Variants in PRKG2 observed in about 807,000 individuals in gnomAD.
PRKG2 encodes cGMP-dependent protein kinase 2.
Under a neutral mutation model 97.2 loss-of-function variants are expected in PRKG2, and 33 were observed. The observed-to-expected ratio is 0.34, with a 90% CI of 0.26 to 0.45. The LOEUF (loss-of-function observed/expected upper bound fraction) is 0.45. PRKG2 is among the 20% of genes least tolerant of loss of function. PRKG2 has a pLI of 1.00. For missense variants in PRKG2, 638 were observed against 900.0 expected (o/e 0.71, Z 3.73); for synonymous variants, 330 against 321.8 (o/e 1.03, Z -0.27).
intron 1 of PRKG2, among the ~76,000 whole-genome samples, chr4:81,208,812 T>C (rs1753815772): frequency 6.6e-6 from 1 of 152,072 alleles, no homozygotes; most frequent in Non-Finnish European, 1.5e-5. Flanking sequence ...ACAAACAGCC[T>C]GGAAAACAAG....
At chr4:81,131,273 G>A (rs1055969585) in intron 14 of PRKG2, among the ~76,000 whole-genome samples, 3 of 151,880 alleles carry the variant, frequency 2.0e-5, no homozygotes, top group Admixed American at 1.3e-4. Flanking sequence ...CCCAGGTGAG[G>A]TGACATTCCA....
rs189653350 is a variant in PRKG2, at chr4:81,097,469, G to A, written c.2127-5017C>T. ...TTAAGGGCCTTAGGATTTTTAGAATGGCAAATGAGCATTGACTTCAAGTCA... is the reference window on the plus strand; with the variant it reads ...TTAAGGGCCTTAGGATTTTTAGAATAGCAAATGAGCATTGACTTCAAGTCA... On this transcript the variant is annotated intron_variant, in intron 17 of 18. Coordinates refer to ENST00000264399, the MANE Select transcript of PRKG2 (RefSeq NM_006259.3). Among the ~76,000 whole-genome samples the A allele has an allele frequency of 1.1e-3, 161 of 152,256 alleles. 1 individual carries two copies. The highest frequency in any genetic ancestry group is 3.6e-3 in the African/African-American group (151 of 41,556).
intron 4 of PRKG2, among the ~76,000 whole-genome samples, chr4:81,169,993 T>A (rs955026187): frequency 1.1e-4 from 17 of 152,080 alleles, no homozygotes; most frequent in South Asian, 2.1e-4. Flanking sequence ...TAGCAAAAAA[T>A]TTCCTTTCTA....
At chr4:81,209,705 C>T (rs1753869231) in intron 1 of PRKG2, among the ~76,000 whole-genome samples, 1 of 152,026 alleles carries the variant, frequency 6.6e-6, no homozygotes, top group South Asian at 2.1e-4. Flanking sequence ...TTACATTTAA[C>T]ATTATTTATC....
intron 6 of PRKG2, among the ~76,000 whole-genome samples, chr4:81,159,097 A>G (rs1236075283): frequency 6.6e-6 from 1 of 152,216 alleles, no homozygotes; most frequent in Non-Finnish European, 1.5e-5. Flanking sequence ...AACAAAAGCC[A>G]AAATTGACAA....
intron 13 of PRKG2, 126 bp downstream of exon 13, chr4:81,137,267 T>C: frequency 4.1e-6 from 3 of 727,370 alleles, no homozygotes; most frequent in South Asian, 3.5e-5. Flanking sequence ...AATATCACTA[T>C]TACTACTTTA....
chr4:81,103,701 A>C (rs1011827077), intron 17 of PRKG2, among the ~76,000 whole-genome samples: 2 of 152,186 alleles, frequency 1.3e-5, no homozygotes, highest in Non-Finnish European at 2.9e-5. Context: ...GATATTTCAA[A>C]GTATAATAAA....
intron 14 of PRKG2, among the ~76,000 whole-genome samples, chr4:81,127,098 T>G (rs1745668847): frequency 6.6e-6 from 1 of 152,218 alleles, no homozygotes; most frequent in Non-Finnish European, 1.5e-5. Flanking sequence ...AGCCAGTTTT[T>G]CCCGACACCA....
chr4:81,099,935 C>A (rs1348505532), intron 17 of PRKG2, among the ~76,000 whole-genome samples: 3 of 151,976 alleles, frequency 2.0e-5, no homozygotes, highest in Non-Finnish European at 4.4e-5. Context: ...AAAAAGAGAG[C>A]CAAATCATGA....
At chr4:81,125,979 C>A (rs1343037860) in intron 14 of PRKG2, among the ~76,000 whole-genome samples, 3 of 152,122 alleles carry the variant, frequency 2.0e-5, no homozygotes, top group Non-Finnish European at 4.4e-5. Context: ...CTGCACCCAT[C>A]AACCTGTCAT....
rs148111268 is a variant in PRKG2 at position 81,202,444 on chromosome 4, TTTAA to T, written c.461+2139_461+2142del. Among the ~76,000 whole-genome samples, 285 of 152,338 alleles carry T rather than the reference TTTAA, an allele frequency of 1.9e-3. 1 individual carries two copies. Among genetic ancestry groups the T allele is most frequent in the African/African-American group, 6.6e-3 (274 of 41,594 alleles). On this transcript the variant is annotated intron_variant, in intron 2 of 18. Coordinates refer to ENST00000264399, the MANE Select transcript of PRKG2 (RefSeq NM_006259.3). Reference sequence around the variant, plus strand: ...TAAAAAAGAATGTTTCCATTTTTTATTTAATTATTCAATTTAGAACCACAAGGCT... The same window carrying T: ...TAAAAAAGAATGTTTCCATTTTTTATTTATTCAATTTAGAACCACAAGGCT...
chr4:81,088,054 A>G lies in PRKG2; in HGVS notation c.*1654T>C, dbSNP rs1315926936. Reference sequence around the variant, plus strand: ...CAAATTCAAATAAAAATCTTTAAAAACTCTTAGAAATTCTTTAAGCAGGTT... The same window carrying G: ...CAAATTCAAATAAAAATCTTTAAAAGCTCTTAGAAATTCTTTAAGCAGGTT... On this transcript the variant is annotated 3_prime_UTR_variant, in exon 19 of 19. Transcript: ENST00000264399. 1 of 151,988 alleles carries G rather than the reference A, an allele frequency of 6.6e-6. No individual in the cohort carries two copies. The highest frequency in any genetic ancestry group is 1.5e-5 in the Non-Finnish European group (1 of 67,988). 9.4% of individuals were successfully genotyped at this position (151,988 alleles called of 1,614,324 possible). A position where few individuals can be genotyped will look rare whatever the true frequency, so the allele number is the denominator to read the frequency against.
intron 12 of PRKG2, 44 bp downstream of exon 12, chr4:81,140,489 G>A: frequency 2.7e-6 from 4 of 1,483,064 alleles, no homozygotes; most frequent in Non-Finnish European, 3.6e-6. Flanking sequence ...CATAAATAAA[G>A]AGCCTGAAAA....
In PRKG2 at chr4:81,149,554, T is replaced by C. The variant is rs78037994; in HGVS notation, c.1086-602A>G. 7.7e-3 allele frequency among the ~76,000 whole-genome samples: 1,165 copies of C among 152,282 alleles called. 13 individuals carry two copies. Among genetic ancestry groups the C allele is most frequent in the African/African-American group, 0.026 (1,093 of 41,562 alleles). Reference sequence around the variant, plus strand: ...TTTTCTTTTTCTTAGGTGTATATAATATAGCAGTGCATCTTATAATTGACA... The same window carrying C: ...TTTTCTTTTTCTTAGGTGTATATAACATAGCAGTGCATCTTATAATTGACA... On this transcript the variant is annotated intron_variant, in intron 8 of 18. Transcript: ENST00000264399.
intron 3 of PRKG2, among the ~76,000 whole-genome samples, chr4:81,172,072 A>G (rs1337534067): frequency 6.6e-6 from 1 of 151,836 alleles, no homozygotes; most frequent in African/African-American, 2.4e-5. Context: ...ATTATTTTAC[A>G]GTGGCAAGAA....
At chr4:81,098,471 G>T (rs1214220544) in intron 17 of PRKG2, among the ~76,000 whole-genome samples, 1 of 152,096 alleles carries the variant, frequency 6.6e-6, no homozygotes, top group Non-Finnish European at 1.5e-5. Context: ...TGGCACAGGA[G>T]GCCTAGCTTT....
At chr4:81,186,521 G>A (rs948962864) in intron 2 of PRKG2, among the ~76,000 whole-genome samples, 2 of 152,242 alleles carry the variant, frequency 1.3e-5, no homozygotes, top group Admixed American at 1.3e-4. Flanking sequence ...GAGAAAGTGG[G>A]AAAGATCTAA....
intron 2 of PRKG2, 30 bp downstream of exon 2, chr4:81,204,557 C>T: frequency 6.4e-7 from 1 of 1,573,530 alleles, no homozygotes; most frequent in Non-Finnish European, 8.7e-7. Context: ...TTAAGCCCAT[C>T]TGAGTTTAAA....
At chr4:81,101,540 G>A (rs926690742) in intron 17 of PRKG2, among the ~76,000 whole-genome samples, 1 of 142,212 alleles carries the variant, frequency 7.0e-6, no homozygotes, top group African/African-American at 2.6e-5. Context: ...CCCAGGAATG[G>A]GAACATCACA....
Sources: allele counts gnomAD v4.1 joint callset (sites outside exome capture counted in the v4.1 genomes callset), GRCh38; gene constraint gnomAD v4.1.1; transcripts MANE v1.5; gene names NCBI Gene and HGNC (gene_info 2026-07-23, HGNC 2026-07-21).